MEI4: variants seen among roughly 807,000 people sequenced by gnomAD.
MEI4 encodes the protein meiotic double-stranded break formation protein 4.
In MEI4, 27 loss-of-function variants were observed where a neutral mutation model predicts 31.4. The ratio of observed to expected loss-of-function variants is 0.86; its 90% CI spans 0.63 to 1.19. The LOEUF is 1.19. Ranked by LOEUF, MEI4 falls within the 50% of genes most tolerant of loss-of-function variation. MEI4 has a pLI of 0.00. For missense variants in MEI4, 329 were observed against 398.9 expected (o/e 0.82, Z 1.49); for synonymous variants, 122 against 145.4 (o/e 0.84, Z 1.16).
chr6:77,764,756 GTTTC>G lies in MEI4; in HGVS notation c.768+3097_768+3100del, dbSNP rs1344031632. Among the ~76,000 whole-genome samples the G allele has an allele frequency of 4.6e-5, 7 of 152,240 alleles. No homozygotes were observed. In the South Asian group the frequency reaches 1.2e-3, roughly 27 times the overall value. On this transcript the variant is annotated intron_variant, in intron 3 of 4. Coordinates refer to ENST00000684080, the MANE Select transcript of MEI4 (RefSeq NM_001322247.2). ...TTAGAAGTTCAAAAGCTTTCTAGAT[GTTTC>G]TTTCTGACCACAATATAATGAAATT...
intron 3 of MEI4, among the ~76,000 whole-genome samples, chr6:77,817,494 T>G (rs1372188616): frequency 1.3e-5 from 2 of 152,130 alleles, no homozygotes; most frequent in Admixed American, 1.3e-4. Context: ...CTCTGAACTT[T>G]GTGCCTTTTT....
chr6:77,774,654 A>G (rs1768394629), intron 3 of MEI4, among the ~76,000 whole-genome samples: 1 of 152,072 alleles, frequency 6.6e-6, no homozygotes, highest in African/African-American at 2.4e-5. Context: ...TAAGACAGTT[A>G]TCATAGCATA....
At chr6:77,775,691 C>A (rs996949276) in intron 3 of MEI4, among the ~76,000 whole-genome samples, 9 of 152,090 alleles carry the variant, frequency 5.9e-5, no homozygotes, top group Admixed American at 5.9e-4. Flanking sequence ...ATTGTGACTT[C>A]TTTTCCTCTG....
intron 1 of MEI4, among the ~76,000 whole-genome samples, chr6:77,666,332 A>C (rs1429254133): frequency 6.6e-6 from 1 of 152,144 alleles, no homozygotes; most frequent in Non-Finnish European, 1.5e-5. Flanking sequence ...GTCATCAGTT[A>C]AGGCTGTTTT....
intron 2 of MEI4, among the ~76,000 whole-genome samples, chr6:77,695,479 T>C (rs962184173): frequency 3.2e-4 from 48 of 152,236 alleles, no homozygotes; most frequent in South Asian, 6.2e-4. Context: ...GCTTTCTACA[T>C]ATGGCTAGCC....
At chr6:77,860,406 G>A (rs1770838104) in intron 4 of MEI4, among the ~76,000 whole-genome samples, 1 of 152,132 alleles carries the variant, frequency 6.6e-6, no homozygotes, top group African/African-American at 2.4e-5. Context: ...ATTCTGGTCA[G>A]TGTACTTTAA....
chr6:77,874,589 C>G (rs1203778207), intron 4 of MEI4, among the ~76,000 whole-genome samples: 1 of 152,074 alleles, frequency 6.6e-6, no homozygotes, highest in Non-Finnish European at 1.5e-5. Context: ...TAATTGAATA[C>G]CCTTTATTTC....
intron 2 of MEI4, among the ~76,000 whole-genome samples, chr6:77,739,792 A>G (rs989355007): frequency 1.1e-4 from 16 of 149,552 alleles, no homozygotes; most frequent in African/African-American, 3.7e-4. Context: ...TTTGTGTCTC[A>G]ATGTCTTTTA....
At chr6:77,920,012 T>C (rs898463630) in intron 4 of MEI4, among the ~76,000 whole-genome samples, 7 of 146,786 alleles carry the variant, frequency 4.8e-5, no homozygotes, top group African/African-American at 1.7e-4. Context: ...AATCAATAGT[T>C]TACCAACCAA....
At chr6:77,777,303 A>C (rs751981468) in intron 3 of MEI4, among the ~76,000 whole-genome samples, 6 of 152,170 alleles carry the variant, frequency 3.9e-5, no homozygotes, top group Admixed American at 6.5e-5. Context: ...AACACAGTAC[A>C]ATCTGCAAAA....
At chr6:77,696,494 A>G (rs532398988) in intron 2 of MEI4, among the ~76,000 whole-genome samples, 2 of 152,120 alleles carry the variant, frequency 1.3e-5, no homozygotes, top group South Asian at 2.1e-4. Flanking sequence ...AATTTTGTCA[A>G]AGGTCTTTTC....
At chr6:77,909,477 C>T (rs1022555864) in intron 4 of MEI4, among the ~76,000 whole-genome samples, 2 of 152,064 alleles carry the variant, frequency 1.3e-5, no homozygotes, top group African/African-American at 4.8e-5. Flanking sequence ...ATGAATTCCT[C>T]AGCACATACA....
intron 4 of MEI4, among the ~76,000 whole-genome samples, chr6:77,866,508 C>A (rs1354427596): frequency 2.0e-5 from 3 of 152,110 alleles, no homozygotes; most frequent in African/African-American, 7.2e-5. Context: ...ACCTAGGAAT[C>A]CAACTTATAA....
intron 1 of MEI4, among the ~76,000 whole-genome samples, chr6:77,685,397 A>T: frequency 6.7e-6 from 1 of 148,820 alleles, no homozygotes; most frequent in South Asian, 2.1e-4. Flanking sequence ...GCCTGTGCAT[A>T]TGGGGACTTG....
At chr6:77,763,450 T>C (rs1346651836) in intron 3 of MEI4, among the ~76,000 whole-genome samples, 1 of 152,162 alleles carries the variant, frequency 6.6e-6, no homozygotes, top group Non-Finnish European at 1.5e-5. Context: ...GTTTAGTCCA[T>C]GGTGGCAGGA....
intron 3 of MEI4, among the ~76,000 whole-genome samples, chr6:77,828,032 T>G (rs1769996408): frequency 6.6e-6 from 1 of 152,142 alleles, no homozygotes; most frequent in East Asian, 1.9e-4. Flanking sequence ...AAATTCCTGT[T>G]ATATAGCTGT....
At chr6:77,727,170 A>G (rs777681990) in intron 2 of MEI4, among the ~76,000 whole-genome samples, 8 of 152,210 alleles carry the variant, frequency 5.3e-5, no homozygotes, top group Non-Finnish European at 1.2e-4. Flanking sequence ...AGGTCAGAAC[A>G]GAGTCCACCT....
chr6:77,866,001 C>T (rs1266496623), intron 4 of MEI4, among the ~76,000 whole-genome samples: 1 of 152,126 alleles, frequency 6.6e-6, no homozygotes, highest in Non-Finnish European at 1.5e-5. Context: ...TCAATAGATG[C>T]AGAAAAGGCC....
chr6:77,786,856 AAAG>A (rs1305121158), intron 3 of MEI4, among the ~76,000 whole-genome samples: 3 of 152,236 alleles, frequency 2.0e-5, no homozygotes, highest in Non-Finnish European at 2.9e-5. Context: ...TCTGTGGAAA[AAAG>A]AATATTAACA....
Sources: gnomAD v4.1 joint callset for allele counts (sites outside exome capture counted in the v4.1 genomes callset) on GRCh38, gnomAD v4.1.1 for gene constraint, MANE v1.5 for transcripts, NCBI Gene and HGNC (gene_info 2026-07-23, HGNC 2026-07-21) for gene names.